LRRTM4: variants seen among roughly 807,000 people sequenced by gnomAD.
The protein encoded by LRRTM4 is leucine rich repeat transmembrane neuronal 4, also known as leucine-rich repeat transmembrane neuronal protein 4.
A neutral mutation model predicts 47.6 loss-of-function variants in LRRTM4; 25 were observed. The observed-to-expected ratio is 0.53, with a 90% CI of 0.38 to 0.73. The LOEUF (loss-of-function observed/expected upper bound fraction) is 0.73, where lower values mean the gene tolerates loss of function less well. Ranked by LOEUF, LRRTM4 falls within the 30% of genes least tolerant of loss-of-function variation. The pLI, the probability that LRRTM4 is intolerant of heterozygous loss-of-function variation, is 0.00. For missense variants in LRRTM4, 638 were observed against 713.4 expected (o/e 0.89, Z 1.20); for synonymous variants, 311 against 269.5 (o/e 1.15, Z -1.51).
intron 3 of LRRTM4, among the ~76,000 whole-genome samples, chr2:77,362,141 G>GAAAGA (rs1553434425): frequency 6.8e-6 from 1 of 146,112 alleles, no homozygotes; most frequent in Admixed American, 6.9e-5. Context: ...AAGAAAGAAA[G>GAAAGA]AAAGAAAGAA....
intron 3 of LRRTM4, among the ~76,000 whole-genome samples, chr2:77,052,644 T>C (rs1441326042): frequency 6.6e-6 from 1 of 152,084 alleles, no homozygotes; most frequent in Non-Finnish European, 1.5e-5. Context: ...AGAATCTATA[T>C]AACAGGTTTT....
intron 3 of LRRTM4, among the ~76,000 whole-genome samples, chr2:77,268,743 T>TA (rs1676117718): frequency 1.3e-5 from 2 of 152,216 alleles, no homozygotes; most frequent in Non-Finnish European, 2.9e-5. Context: ...GTCTTCTCCC[T>TA]ACCTTTCTGT....
At chr2:76,753,639 A>C (rs965063443) in intron 3 of LRRTM4, among the ~76,000 whole-genome samples, 1 of 152,078 alleles carries the variant, frequency 6.6e-6, no homozygotes, top group East Asian at 1.9e-4. Context: ...TTAGGGAGAG[A>C]GCGTATTTTT....
intron 3 of LRRTM4, among the ~76,000 whole-genome samples, chr2:77,240,232 G>A (rs138991783): frequency 5.9e-5 from 9 of 151,876 alleles, no homozygotes; most frequent in African/African-American, 9.6e-5. Flanking sequence ...ATTTGTAATT[G>A]AATAAATAGG....
At chr2:77,002,769 G>A (rs1573434889) in intron 3 of LRRTM4, among the ~76,000 whole-genome samples, 1 of 152,030 alleles carries the variant, frequency 6.6e-6, no homozygotes, top group Non-Finnish European at 1.5e-5. Context: ...TTAGGTCTCT[G>A]CTTAAAAAGT....
chr2:76,789,868 A>G (rs1362118676), intron 3 of LRRTM4, among the ~76,000 whole-genome samples: 1 of 152,064 alleles, frequency 6.6e-6, no homozygotes, highest in Admixed American at 6.5e-5. Flanking sequence ...CTTTAGGGAA[A>G]TTATCAGCAC....
intron 3 of LRRTM4, among the ~76,000 whole-genome samples, chr2:76,828,598 G>A (rs1426342366): frequency 6.6e-6 from 1 of 151,982 alleles, no homozygotes; most frequent in African/African-American, 2.4e-5. Context: ...CAGCTGTTAA[G>A]TTGTGGGTGA....
chr2:76,748,818 ATAGCCCT>A lies in LRRTM4; in HGVS notation c.1643_1649del (p.Lys548MetfsTer36). On this transcript the variant is annotated frameshift_variant, in exon 4 of 4. Transcript: ENST00000409884. LOFTEE classifies it high-confidence loss of function. Reference sequence around the variant, plus strand: ...CGTCCTGCTCTGGAGACACTGTCTCATAGCCCTTGGTGACATGGAGTGGCTGGTGGGC... The same window carrying A: ...CGTCCTGCTCTGGAGACACTGTCTCATGGTGACATGGAGTGGCTGGTGGGC... The A allele has an allele frequency of 2.5e-6, 4 of 1,614,056 alleles. No individual in the cohort carries two copies. Among genetic ancestry groups the A allele is most frequent in the Non-Finnish European group, 3.4e-6 (4 of 1,179,898 alleles).
intron 3 of LRRTM4, among the ~76,000 whole-genome samples, chr2:76,936,249 T>C (rs1674942565): frequency 6.6e-6 from 1 of 152,122 alleles, no homozygotes; most frequent in South Asian, 2.1e-4. Context: ...CATGGACTAC[T>C]ATGCAGCCAT....
At chr2:77,253,051 A>G (rs992717430) in intron 3 of LRRTM4, among the ~76,000 whole-genome samples, 3 of 152,050 alleles carry the variant, frequency 2.0e-5, no homozygotes, top group Non-Finnish European at 4.4e-5. Flanking sequence ...TGGAAGACCA[A>G]TGTTTTCCCA....
chr2:76,985,576 T>G (rs957737556), intron 3 of LRRTM4, among the ~76,000 whole-genome samples: 2 of 151,924 alleles, frequency 1.3e-5, no homozygotes, highest in African/African-American at 4.8e-5. Flanking sequence ...AGTTGCTAGC[T>G]GCTGAAAGGA....
chr2:77,342,113 ACACTC>A (rs1671393680), intron 3 of LRRTM4, among the ~76,000 whole-genome samples: 1 of 151,958 alleles, frequency 6.6e-6, no homozygotes, highest in Non-Finnish European at 1.5e-5. Flanking sequence ...CTATACCAAT[ACACTC>A]TGCTATGAAG....
At chr2:76,864,528 A>G (rs1199806571) in intron 3 of LRRTM4, among the ~76,000 whole-genome samples, 1 of 151,902 alleles carries the variant, frequency 6.6e-6, no homozygotes, top group Non-Finnish European at 1.5e-5. Flanking sequence ...GTGGTGGCGC[A>G]TGCCTGTAAT....
At chr2:77,491,082 AAG>A (rs577088060) in intron 3 of LRRTM4, among the ~76,000 whole-genome samples, 3 of 151,954 alleles carry the variant, frequency 2.0e-5, no homozygotes, top group Admixed American at 6.6e-5. Context: ...GAAGATCAGA[AAG>A]AGAGAGAGAG....
chr2:77,189,238 C>T (rs1453473061), intron 3 of LRRTM4, among the ~76,000 whole-genome samples: 5 of 152,036 alleles, frequency 3.3e-5, no homozygotes, highest in Non-Finnish European at 7.4e-5. Context: ...CAAATATTTG[C>T]CCTCAAATGC....
Position 76,748,670 on chromosome 2 carries a change from C to G in LRRTM4, c.*25G>C. 6.8e-7 allele frequency: 1 copy of G among 1,461,710 alleles called. No homozygotes were observed. The highest frequency in any genetic ancestry group is 9.5e-7 in the Non-Finnish European group (1 of 1,050,744). The allele number at this position is 1,461,710 out of a possible 1,614,324, so 90.5% of individuals were successfully genotyped here. ...GGCCCTCCCTCCCCCCCATGGAGCT[C>G]CCCAGTGAGGAGTTGGCTTCAGCGT... On this transcript the variant is annotated 3_prime_UTR_variant, in exon 4 of 4. Transcript: ENST00000409884.
At chr2:76,802,108 A>G (rs1006673216) in intron 3 of LRRTM4, among the ~76,000 whole-genome samples, 5 of 152,070 alleles carry the variant, frequency 3.3e-5, no homozygotes, top group Non-Finnish European at 5.9e-5. Context: ...TACAGTATTG[A>G]AAGTCCTAGC....
At chr2:77,190,820 T>G (rs951999085) in intron 3 of LRRTM4, among the ~76,000 whole-genome samples, 17 of 152,102 alleles carry the variant, frequency 1.1e-4, no homozygotes, top group Non-Finnish European at 1.9e-4. Context: ...AAAAATAATA[T>G]ATACATAAAC....
rs548047721 is a variant in LRRTM4, at chr2:77,393,006, T to TA, written c.1551+125311dup. ...ATATATATAGTTTTTACTTTTCGGTTAAAAAAAGAACTATGCCACCAATAA... is the reference window on the plus strand; with the variant it reads ...ATATATATAGTTTTTACTTTTCGGTTAAAAAAAAGAACTATGCCACCAATAA... On this transcript the variant is annotated intron_variant, in intron 3 of 3. Transcript: ENST00000409884. Among the ~76,000 whole-genome samples the TA allele has an allele frequency of 3.9e-5, 6 of 152,050 alleles. No individual in the cohort carries two copies. In the East Asian group the frequency reaches 1.2e-3, roughly 30 times the overall value.
Sources: gnomAD v4.1 joint callset for allele counts (sites outside exome capture counted in the v4.1 genomes callset) on GRCh38, gnomAD v4.1.1 for gene constraint, MANE v1.5 for transcripts, NCBI Gene and HGNC (gene_info 2026-07-23, HGNC 2026-07-21) for gene names.